CFAP299: variants seen among roughly 807,000 people sequenced by gnomAD.
The protein encoded by CFAP299 is cilia- and flagella-associated protein 299.
A neutral mutation model predicts 27.0 loss-of-function variants in CFAP299; 21 were observed. The observed-to-expected ratio is 0.78, with a 90% confidence interval of 0.55 to 1.12. The LOEUF (loss-of-function observed/expected upper bound fraction) is 1.12, where lower values mean the gene tolerates loss of function less well. Among genes scored for constraint, CFAP299 ranks in the 50% most tolerant of loss-of-function variants. The probability of loss-of-function intolerance (pLI) is 0.00; values close to 1 mark genes in which losing one functional copy is unlikely to be tolerated. For missense variants in CFAP299, 310 were observed against 276.6 expected (o/e 1.12, Z -0.86); for synonymous variants, 104 against 98.1 (o/e 1.06, Z -0.36).
intron 2 of CFAP299, among the ~76,000 whole-genome samples, chr4:80,465,645 A>G (rs1190181882): frequency 6.6e-6 from 1 of 152,224 alleles, no homozygotes; most frequent in Non-Finnish European, 1.5e-5. Context: ...CCAAACCCCT[A>G]TGTACCCCAT....
chr4:80,858,735 A>G (rs1461882346), intron 3 of CFAP299, among the ~76,000 whole-genome samples: 1 of 152,032 alleles, frequency 6.6e-6, no homozygotes, highest in Non-Finnish European at 1.5e-5. Flanking sequence ...GAGTTTCTTA[A>G]TCCTGAGTTC....
chr4:80,452,557 G>T (rs1728953037), intron 2 of CFAP299, among the ~76,000 whole-genome samples: 1 of 152,048 alleles, frequency 6.6e-6, no homozygotes, highest in Non-Finnish European at 1.5e-5. Context: ...CTGATGGTTG[G>T]TATATTTTAG....
intron 3 of CFAP299, among the ~76,000 whole-genome samples, chr4:80,654,181 A>G (rs1194293212): frequency 2.6e-5 from 4 of 152,162 alleles, no homozygotes; most frequent in Admixed American, 2.6e-4. Flanking sequence ...GCAATACATT[A>G]TTGAATTCAT....
At chr4:80,736,106 T>C (rs1723851895) in intron 3 of CFAP299, among the ~76,000 whole-genome samples, 1 of 152,196 alleles carries the variant, frequency 6.6e-6, no homozygotes, top group Admixed American at 6.5e-5. Context: ...TTTGTCAATT[T>C]TGGCTTTGGT....
intron 4 of CFAP299, among the ~76,000 whole-genome samples, chr4:80,921,702 CA>C (rs1736054848): frequency 6.6e-6 from 1 of 151,810 alleles, no homozygotes. Context: ...TCTGTGTGTG[CA>C]AAACACCCCT....
chr4:80,926,359 T>C (rs1044740135), intron 4 of CFAP299, among the ~76,000 whole-genome samples: 12 of 151,968 alleles, frequency 7.9e-5, no homozygotes, highest in African/African-American at 2.9e-4. Flanking sequence ...ATGTGATATG[T>C]TTTGAGATAA....
intron 3 of CFAP299, among the ~76,000 whole-genome samples, chr4:80,866,014 C>T (rs1439744029): frequency 1.5e-5 from 2 of 135,468 alleles, no homozygotes; most frequent in Non-Finnish European, 3.2e-5. Flanking sequence ...TACATGTATA[C>T]ATATGTAACT....
intron 2 of CFAP299, among the ~76,000 whole-genome samples, chr4:80,447,131 T>TTG (rs1728663497): frequency 9.6e-6 from 1 of 103,786 alleles, no homozygotes; most frequent in African/African-American, 4.8e-5. Context: ...TTTTTTTTTG[T>TTG]TTTTTTTTTT....
intron 3 of CFAP299, among the ~76,000 whole-genome samples, chr4:80,631,726 A>G (rs557310684): frequency 4.6e-4 from 70 of 152,070 alleles, no homozygotes; most frequent in African/African-American, 1.6e-3. Flanking sequence ...TTTTTAATCT[A>G]TGTCATCATG....
chr4:80,542,214 C>T (rs1242175365), intron 2 of CFAP299, among the ~76,000 whole-genome samples: 1 of 152,116 alleles, frequency 6.6e-6, no homozygotes, highest in Non-Finnish European at 1.5e-5. Flanking sequence ...TGTTGGCTTT[C>T]CTGGTTTTGA....
intron 2 of CFAP299, among the ~76,000 whole-genome samples, chr4:80,367,775 T>G (rs1723918317): frequency 6.6e-6 from 1 of 152,230 alleles, no homozygotes; most frequent in Admixed American, 6.5e-5. Context: ...GTAATTTAGC[T>G]GATACCCATT....
intron 3 of CFAP299, among the ~76,000 whole-genome samples, chr4:80,835,801 A>G (rs72881539): frequency 0.012 from 1,764 of 152,274 alleles, 32 homozygotes; most frequent in African/African-American, 0.039. Flanking sequence ...TAAGTCACCA[A>G]GTCTGGCAAA....
chr4:80,628,518 GAA>G (rs1739032281), intron 3 of CFAP299, among the ~76,000 whole-genome samples: 1 of 152,016 alleles, frequency 6.6e-6, no homozygotes, highest in African/African-American at 2.4e-5. Flanking sequence ...GTGCAGCAAA[GAA>G]AACAACCAAC....
At chr4:80,438,104 A>G (rs1728180078) in intron 2 of CFAP299, among the ~76,000 whole-genome samples, 1 of 152,250 alleles carries the variant, frequency 6.6e-6, no homozygotes, top group Non-Finnish European at 1.5e-5. Context: ...TAAGTACAAT[A>G]ATATGGAATA....
At chr4:80,914,589 T>C (rs1735653545) in intron 4 of CFAP299, among the ~76,000 whole-genome samples, 1 of 152,188 alleles carries the variant, frequency 6.6e-6, no homozygotes, top group Non-Finnish European at 1.5e-5. Flanking sequence ...ACTAATGTAG[T>C]GCTACATCAT....
Position 80,583,116 on chromosome 4 carries a change from A to C in CFAP299, c.266A>C (p.Asp89Ala). 6.2e-7 allele frequency: 1 copy of C among 1,605,230 alleles called. No homozygotes were observed. The highest frequency in any genetic ancestry group is 8.5e-7 in the Non-Finnish European group (1 of 1,174,336). Residue 89 changes from aspartate (D) to alanine (A), a missense_variant, in exon 3 of 6, where the codon GAC becomes GCC. By Grantham distance (126) the Asp-to-Ala change is moderately radical. Coordinates refer to ENST00000358105, the MANE Select transcript of CFAP299 (RefSeq NM_152770.3). The stretch of plus-strand genomic sequence containing the variant: ...AGGACGCTAACAAGTGCTGGTAAAG[A>C]CCTACAAGATAATTTTCTGACGGCC... ...QQKTLTSAGKDLQDNFLTALA... is the reference protein window; with the variant it reads ...QQKTLTSAGKALQDNFLTALA...
At chr4:80,643,045 C>G (rs1252130934) in intron 3 of CFAP299, among the ~76,000 whole-genome samples, 2 of 151,818 alleles carry the variant, frequency 1.3e-5, no homozygotes, top group African/African-American at 4.8e-5. Context: ...GCCTGTAATC[C>G]CAGCACTTTG....
intron 3 of CFAP299, among the ~76,000 whole-genome samples, chr4:80,767,310 T>C (rs187881633): frequency 6.4e-4 from 97 of 152,194 alleles, no homozygotes; most frequent in African/African-American, 2.3e-3. Flanking sequence ...CTCTTTCTCC[T>C]CAAAATACCT....
At chr4:80,927,155 C>T (rs1736348343) in intron 4 of CFAP299, among the ~76,000 whole-genome samples, 1 of 151,964 alleles carries the variant, frequency 6.6e-6, no homozygotes, top group South Asian at 2.1e-4. Context: ...TCTCTTTTTG[C>T]CTAAGGCTGT....
Sources: gnomAD v4.1 joint callset for allele counts (sites outside exome capture counted in the v4.1 genomes callset) on GRCh38, gnomAD v4.1.1 for gene constraint, MANE v1.5 for transcripts, NCBI Gene and HGNC (gene_info 2026-07-23, HGNC 2026-07-21) for gene names.